The following TMC1 variants were observed in gnomAD, a reference collection of about 807,000 sequenced individuals.
TMC1 encodes transmembrane channel like 1.
A neutral mutation model predicts 105.8 loss-of-function variants in TMC1; 84 were observed. The ratio of observed to expected loss-of-function variants is 0.79; its 90% CI spans 0.67 to 0.95. The LOEUF is 0.95. TMC1 is among the 40% of genes least tolerant of loss of function. The probability of loss-of-function intolerance (pLI) is 0.00; values close to 1 mark genes in which losing one functional copy is unlikely to be tolerated. For missense variants in TMC1, 817 were observed against 914.1 expected, an observed-to-expected ratio of 0.89 and a Z score of 1.37; for synonymous variants, 315 against 311.5, an observed-to-expected ratio of 1.01 and a Z score of -0.12.
chr9:72,669,663 AG>A (rs1826098045), intron 5 of TMC1, among the ~76,000 whole-genome samples: 1 of 152,168 alleles, frequency 6.6e-6, no homozygotes, highest in Non-Finnish European at 1.5e-5. Flanking sequence ...CAAAAGAGAA[AG>A]GGTAAGAGAT....
At position 72,639,723 on chromosome 9, in the gene TMC1, C is replaced by G. The variant is rs146650029; in HGVS notation, c.-52-8874C>G. Among the ~76,000 whole-genome samples the G allele has an allele frequency of 4.7e-3, 708 of 152,246 alleles. 2 individuals are homozygous for G. The highest frequency in any genetic ancestry group is 0.016 in the African/African-American group (665 of 41,564). ...TACATAGAGGAATACATTAAAGGAA[C>G]TCTAACACCAAAATTATCCTTTCTT... On this transcript the variant is annotated intron_variant, in intron 4 of 23. Coordinates refer to ENST00000297784, the MANE Select transcript of TMC1 (RefSeq NM_138691.3).
intron 8 of TMC1, among the ~76,000 whole-genome samples, chr9:72,712,246 A>G (rs1826849177): frequency 6.6e-6 from 1 of 152,102 alleles, no homozygotes; most frequent in African/African-American, 2.4e-5. Context: ...TGTCTTGGCT[A>G]TGCAGGATAT....
intron 20 of TMC1, among the ~76,000 whole-genome samples, chr9:72,821,520 AAGAAATG>A (rs1564577632): frequency 6.6e-6 from 1 of 152,002 alleles, no homozygotes; most frequent in African/African-American, 2.4e-5. Context: ...AAAAAAAAGA[AAGAAATG>A]AGATCCTTTG....
chr9:72,727,358 G>C (rs1193717177), intron 8 of TMC1, among the ~76,000 whole-genome samples: 1 of 151,858 alleles, frequency 6.6e-6, no homozygotes, highest in Non-Finnish European at 1.5e-5. Context: ...ATATTTCCTT[G>C]ATTTCTTTTA....
intron 2 of TMC1, among the ~76,000 whole-genome samples, chr9:72,597,027 T>A (rs930093905): frequency 6.6e-6 from 1 of 152,210 alleles, no homozygotes; most frequent in Non-Finnish European, 1.5e-5. Context: ...ATTTCACAAA[T>A]TGAAACCCAG....
intron 5 of TMC1, among the ~76,000 whole-genome samples, chr9:72,662,243 G>A (rs950094748): frequency 6.7e-6 from 1 of 149,266 alleles, no homozygotes; most frequent in African/African-American, 2.5e-5. Context: ...CTGGAGTACA[G>A]TGGTACGATC....
At chr9:72,532,369 C>T (rs908674248) in intron 1 of TMC1, among the ~76,000 whole-genome samples, 10 of 151,440 alleles carry the variant, frequency 6.6e-5, no homozygotes, top group African/African-American at 2.4e-4. Flanking sequence ...GGTGAAACCC[C>T]ATCTCTACTA....
At position 72,740,984 on chromosome 9, in the gene TMC1, G is replaced by A. The variant is rs540186691; in HGVS notation, c.453+775G>A. ...TGTTATGTTCACAAGATATATCCAC[G>A]TTGTTGTGGGAGTTATACTTCATTT... On this transcript the variant is annotated intron_variant, in intron 9 of 23. Transcript: ENST00000297784. Among the ~76,000 whole-genome samples the A allele has an allele frequency of 3.9e-5, 6 of 152,190 alleles. No individual in the cohort carries two copies. In the South Asian group the frequency reaches 8.3e-4, roughly 21 times the overall value.
intron 3 of TMC1, among the ~76,000 whole-genome samples, chr9:72,627,517 A>G (rs1271984083): frequency 6.6e-6 from 1 of 152,012 alleles, no homozygotes; most frequent in Non-Finnish European, 1.5e-5. Flanking sequence ...GTCTCACCCT[A>G]TTTTCTTCAT....
chr9:72,821,184 C>T, intron 20 of TMC1, 103 bp downstream of exon 20: 1 of 1,554,190 alleles, frequency 6.4e-7, no homozygotes, highest in Non-Finnish European at 8.8e-7. Flanking sequence ...CAAACAATGA[C>T]ATTTTTGGTT....
intron 8 of TMC1, among the ~76,000 whole-genome samples, chr9:72,731,903 A>T (rs1327270280): frequency 6.6e-6 from 1 of 152,130 alleles, no homozygotes; most frequent in Non-Finnish European, 1.5e-5. Flanking sequence ...TTTAGCATTT[A>T]TGTTTACTTT....
At chr9:72,741,284 G>T (rs1588059365) in intron 9 of TMC1, 1 of 240,040 alleles carries the variant, frequency 4.2e-6, no homozygotes, top group East Asian at 1.0e-4. Flanking sequence ...GACTAATTTT[G>T]CCATTTTCAT....
chr9:72,637,390 C>T (rs2132140456), intron 4 of TMC1, among the ~76,000 whole-genome samples: 1 of 152,142 alleles, frequency 6.6e-6, no homozygotes. Context: ...CTCCCCATGG[C>T]TCTCCCCTGT....
chr9:72,723,118 G>T (rs1014503860), intron 8 of TMC1, among the ~76,000 whole-genome samples: 5 of 152,066 alleles, frequency 3.3e-5, no homozygotes, highest in Non-Finnish European at 7.4e-5. Flanking sequence ...TAATGTGAAG[G>T]CTCCAGACAA....
chr9:72,621,037 G>C (rs115727995), intron 3 of TMC1, among the ~76,000 whole-genome samples: 3 of 152,064 alleles, frequency 2.0e-5, no homozygotes, highest in Non-Finnish European at 2.9e-5. Flanking sequence ...TTAGAAGAAG[G>C]CTCCCCTTAT....
At position 72,638,480 on chromosome 9, in the gene TMC1, C is replaced by T. The variant is rs550726428; in HGVS notation, c.-52-10117C>T. On this transcript the variant is annotated intron_variant, in intron 4 of 23. Transcript: ENST00000297784. ...CTGTTGTTCTGGTCTGGGGCACAAT[C>T]GACACTCATGCTCACCGAACTGCAG... Among the ~76,000 whole-genome samples, 4 of 152,268 alleles carry T rather than the reference C, an allele frequency of 2.6e-5. 1 individual carries two copies. The South Asian group carries it at 8.3e-4, about 32-fold the overall frequency.
At chr9:72,763,352 T>C (rs1157422171) in intron 12 of TMC1, among the ~76,000 whole-genome samples, 1 of 152,050 alleles carries the variant, frequency 6.6e-6, no homozygotes, top group Non-Finnish European at 1.5e-5. Flanking sequence ...AAACCCAAGG[T>C]CTCTGTCCTC....
chr9:72,670,938 C>T lies in TMC1; in HGVS notation c.17-17771C>T, dbSNP rs1826118595. On this transcript the variant is annotated intron_variant, in intron 5 of 23. Transcript: ENST00000297784. ...CTTGAAGAGAGACTGTGACTAAAGA[C>T]CACTGTAACCTCTTAGGGAAAGAAA... 3.9e-5 allele frequency among the ~76,000 whole-genome samples: 6 copies of T among 152,138 alleles called. 1 individual carries two copies. Among genetic ancestry groups the T allele is most frequent in the Admixed American group, 3.9e-4 (6 of 15,268 alleles).
chr9:72,765,537 A>G (rs1290799853), intron 12 of TMC1, among the ~76,000 whole-genome samples: 2 of 151,644 alleles, frequency 1.3e-5, no homozygotes, highest in Non-Finnish European at 2.9e-5. Flanking sequence ...GCACAAAGGC[A>G]TGGAGGCATG....
Sources: gnomAD v4.1 joint callset for allele counts (sites outside exome capture counted in the v4.1 genomes callset) on GRCh38, gnomAD v4.1.1 for gene constraint, MANE v1.5 for transcripts, NCBI Gene and HGNC (gene_info 2026-07-23, HGNC 2026-07-21) for gene names.